The following ANKHD1 variants were observed in gnomAD, a reference collection of about 807,000 sequenced individuals.
ANKHD1 encodes ankyrin repeat and KH domain-containing protein 1.
A neutral mutation model predicts 230.5 loss-of-function variants in ANKHD1; 31 were observed. The ratio of observed to expected loss-of-function variants is 0.13; its 90% CI spans 0.10 to 0.18. ANKHD1 has a LOEUF of 0.18. Ranked by LOEUF, ANKHD1 falls within the 10% of genes least tolerant of loss-of-function variation. The pLI is 1.00. For synonymous variants in ANKHD1, 1,074 were observed against 1,117.6 expected (o/e 0.96, Z 0.78); for missense variants, 2,256 against 3,071.3 (o/e 0.73, Z 6.27).
rs2127102754 is a variant in ANKHD1 at position 140,537,462 on chromosome 5, A to G, written c.7101A>G (p.Pro2367=). Residue 2367 remains proline, a synonymous_variant, in exon 31 of 34, where the codon CCA becomes CCG. Transcript: ENST00000360839. ...GTCAAGATCGAAAGATACCTCCCCCAATTGGAACAGAGAGACTGGCCCGAA... is the reference window on the plus strand; with the variant it reads ...GTCAAGATCGAAAGATACCTCCCCCGATTGGAACAGAGAGACTGGCCCGAA... The part of the protein sequence containing the change: ...SASQDRKIPP[P]IGTERLARIR... 2 of 1,614,136 alleles carry G rather than the reference A, an allele frequency of 1.2e-6. No homozygotes were observed. Among genetic ancestry groups the G allele is most frequent in the Non-Finnish European group, 1.7e-6 (2 of 1,180,032 alleles).
intron 7 of ANKHD1, among the ~76,000 whole-genome samples, chr5:140,456,932 G>T (rs1273385634): frequency 6.6e-6 from 1 of 152,122 alleles, no homozygotes; most frequent in Non-Finnish European, 1.5e-5. Context: ...CCTACAGAAT[G>T]GGAGAAAATT....
chr5:140,500,843 C>A (rs1221003939), intron 15 of ANKHD1, among the ~76,000 whole-genome samples: 1 of 151,746 alleles, frequency 6.6e-6, no homozygotes, highest in Non-Finnish European at 1.5e-5. Context: ...TTCTATTAAT[C>A]ATTTCCCTTA....
chr5:140,427,122 C>A (rs1772500072), intron 1 of ANKHD1, among the ~76,000 whole-genome samples: 2 of 151,714 alleles, frequency 1.3e-5, no homozygotes, highest in East Asian at 3.9e-4. Context: ...ACTTCCCGGA[C>A]GGGGCGGCTG....
At chr5:140,458,501 C>G in intron 7 of ANKHD1, 124 bp from the exon 8 acceptor site, 1 of 978,612 alleles carries the variant, frequency 1.0e-6, no homozygotes, top group East Asian at 2.6e-5. Flanking sequence ...GCTGTCTATG[C>G]TGAATCTTCT....
At chr5:140,418,328 T>A (rs1208100743) in intron 1 of ANKHD1, among the ~76,000 whole-genome samples, 1 of 151,850 alleles carries the variant, frequency 6.6e-6, no homozygotes, top group Non-Finnish European at 1.5e-5. Context: ...TTGTATTTTT[T>A]GTAGAGTCAG....
chr5:140,453,759 A>C (rs1393526071), intron 7 of ANKHD1, among the ~76,000 whole-genome samples: 1 of 152,232 alleles, frequency 6.6e-6, no homozygotes, highest in Non-Finnish European at 1.5e-5. Context: ...CTGCAAAATC[A>C]TGCCAAATTG....
intron 24 of ANKHD1, among the ~76,000 whole-genome samples, chr5:140,520,428 G>C (rs1753275052): frequency 6.6e-6 from 1 of 151,934 alleles, no homozygotes; most frequent in Non-Finnish European, 1.5e-5. Context: ...CCTATTACTG[G>C]GTATATACCC....
rs1290178979 is a variant in ANKHD1, at chr5:140,529,191, A to G, written c.6245A>G (p.Gln2082Arg). 4 of 1,614,092 alleles carry G rather than the reference A, an allele frequency of 2.5e-6. No homozygotes were observed. The highest frequency in any genetic ancestry group is 3.4e-6 in the Non-Finnish European group (4 of 1,180,034). Residue 2082 changes from glutamine to arginine, a missense_variant, in exon 29 of 34, where the codon CAG (glutamine) becomes CGG (arginine). Transcript: ENST00000360839. ...TCCAGTAACACACAAGAGGAGGCACAGCCATCCAGTGTGTCTGATTTAAGT... is the reference window on the plus strand; with the variant it reads ...TCCAGTAACACACAAGAGGAGGCACGGCCATCCAGTGTGTCTGATTTAAGT... ...PTSSNTQEEA[Q>R]PSSVSDLSPM...
intron 1 of ANKHD1, among the ~76,000 whole-genome samples, chr5:140,422,410 C>A (rs1259645340): frequency 6.6e-6 from 1 of 152,098 alleles, no homozygotes; most frequent in Non-Finnish European, 1.5e-5. Context: ...CAGGCATCAG[C>A]CACCACACCT....
Position 140,528,986 on chromosome 5 carries a change from T to C in ANKHD1, c.6040T>C (p.Ser2014Pro). 1 of 1,614,178 alleles carries C rather than the reference T, an allele frequency of 6.2e-7. No individual in the cohort carries two copies. The highest frequency in any genetic ancestry group is 8.5e-7 in the Non-Finnish European group (1 of 1,180,038). ...LPASTSQAQL[S>P]SQKMESFSAV... is the part of the protein sequence containing the mutation. ...TGCAAGTACTTCTCAAGCACAGCTTTCTTCACAAAAGATGGAGTCTTTCTC... is the reference window on the plus strand; with the variant it reads ...TGCAAGTACTTCTCAAGCACAGCTTCCTTCACAAAAGATGGAGTCTTTCTC... The change falls in exon 29 of 34, where the codon TCT becomes CCT. Residue 2014 changes from serine (S) to proline (P), a missense_variant. Physicochemically the swap from Ser to Pro is moderately conservative, Grantham distance 74. Transcript: ENST00000360839.
At chr5:140,420,344 T>C (rs1372931458) in intron 1 of ANKHD1, among the ~76,000 whole-genome samples, 1 of 152,016 alleles carries the variant, frequency 6.6e-6, no homozygotes, top group Non-Finnish European at 1.5e-5. Flanking sequence ...GACGCCCAAT[T>C]TATATATTTA....
intron 1 of ANKHD1, among the ~76,000 whole-genome samples, chr5:140,425,336 T>C (rs1772318818): frequency 6.6e-6 from 1 of 152,090 alleles, no homozygotes; most frequent in South Asian, 2.1e-4. Context: ...TCATGGCTCA[T>C]GCAGCCTCTA....
chr5:140,505,074 G>C (rs747822192), intron 16 of ANKHD1, 48 bp from the exon 17 acceptor site: 3 of 1,603,690 alleles, frequency 1.9e-6, no homozygotes, highest in South Asian at 2.2e-5. Context: ...CTCTTAAATT[G>C]ATAACTTCTG....
At position 140,401,845 on chromosome 5, in the gene ANKHD1, G is replaced by C. The variant is rs1236436192; in HGVS notation, c.-123G>C. On this transcript the variant is annotated 5_prime_UTR_variant, in exon 1 of 34. Transcript: ENST00000360839. ...CAGCAGGTTAGGCAGTGAGAAGTTA[G>C]TGGCGCTGCTGGGACGGGGGAAAGG... 6 of 1,394,084 alleles carry C rather than the reference G, an allele frequency of 4.3e-6. No homozygotes were observed. Among genetic ancestry groups the C allele is most frequent in the Non-Finnish European group, 5.6e-6 (6 of 1,077,176 alleles). The allele number at this position is 1,394,084 out of a possible 1,614,324, so 86.4% of individuals were successfully genotyped here.
At chr5:140,445,475 G>A (rs963214338) in intron 5 of ANKHD1, among the ~76,000 whole-genome samples, 1 of 152,114 alleles carries the variant, frequency 6.6e-6, no homozygotes, top group Non-Finnish European at 1.5e-5. Flanking sequence ...TTGCACTCCA[G>A]CCTGGGCAAC....
intron 10 of ANKHD1, among the ~76,000 whole-genome samples, chr5:140,474,315 A>T (rs909183980): frequency 2.6e-5 from 4 of 152,122 alleles, no homozygotes; most frequent in Non-Finnish European, 5.9e-5. Context: ...ATCCTCTAGT[A>T]CGTACAGTAT....
chr5:140,419,794 CTT>C (rs869187613), intron 1 of ANKHD1, among the ~76,000 whole-genome samples: 13,698 of 136,892 alleles, frequency 0.1, 934 homozygotes, highest in Middle Eastern at 0.2. Flanking sequence ...TTCTTTCTTT[CTT>C]TCTTTCTTTC....
At chr5:140,419,880 T>C (rs563152041) in intron 1 of ANKHD1, among the ~76,000 whole-genome samples, 43 of 124,436 alleles carry the variant, frequency 3.5e-4, no homozygotes, top group Non-Finnish European at 6.2e-4. Flanking sequence ...TCTTTCTTCT[T>C]CTGTCCTTCC....
intron 1 of ANKHD1, among the ~76,000 whole-genome samples, chr5:140,427,880 G>A (rs1468085604): frequency 1.3e-5 from 2 of 151,692 alleles, no homozygotes; most frequent in African/African-American, 2.4e-5. Flanking sequence ...CTTCTCAGAC[G>A]GGGCGGCTGC....
Sources: gnomAD v4.1 joint callset for allele counts (sites outside exome capture counted in the v4.1 genomes callset) on GRCh38, gnomAD v4.1.1 for gene constraint, MANE v1.5 for transcripts, NCBI Gene and HGNC (gene_info 2026-07-23, HGNC 2026-07-21) for gene names.